Variants in SMG6 observed in about 807,000 individuals in gnomAD.
The protein encoded by SMG6 is SMG6 nonsense mediated mRNA decay factor.
A neutral mutation model predicts 142.2 loss-of-function variants in SMG6; 66 were observed. The ratio of observed to expected loss-of-function variants is 0.46; its 90% CI spans 0.38 to 0.57. The LOEUF (loss-of-function observed/expected upper bound fraction) is 0.57. Ranked by LOEUF, SMG6 falls within the 20% of genes least tolerant of loss-of-function variation. The pLI is 0.00. For synonymous variants in SMG6, 779 were observed against 702.4 expected (o/e 1.11, Z -1.72); for missense variants, 1,793 against 1,832.0 (o/e 0.98, Z 0.39).
At chr17:2,126,414 A>C (rs1309032300) in intron 13 of SMG6, among the ~76,000 whole-genome samples, 12 of 152,154 alleles carry the variant, frequency 7.9e-5, no homozygotes, top group Non-Finnish European at 2.9e-5. Flanking sequence ...TGACATCAAA[A>C]GCATAGGAAA....
intron 4 of SMG6, among the ~76,000 whole-genome samples, chr17:2,296,649 CTCCG>C (rs2075148627): frequency 6.6e-6 from 1 of 152,188 alleles, no homozygotes; most frequent in South Asian, 2.1e-4. Flanking sequence ...GCCCCAACAT[CTCCG>C]TCCATGGAAA....
At chr17:2,210,275 T>C (rs1053321992) in intron 10 of SMG6, among the ~76,000 whole-genome samples, 21 of 151,366 alleles carry the variant, frequency 1.4e-4, no homozygotes, top group Non-Finnish European at 2.5e-4. Context: ...TGAACCGTTT[T>C]CTTTTCTTTT....
Position 2,163,989 on chromosome 17 carries a change from A to G in SMG6, c.3357+8669T>C, listed in dbSNP as rs371203799. The stretch of plus-strand genomic sequence containing the variant: ...AGGCAGGAGAATCGCTTGAACCAAG[A>G]AGACGGAGGTTGCAGTGGGTCTAGA... On this transcript the variant is annotated intron_variant, in intron 13 of 18. Transcript: ENST00000263073. 2.2e-4 allele frequency among the ~76,000 whole-genome samples: 33 copies of G among 148,814 alleles called. 1 individual carries two copies. In the East Asian group the frequency reaches 3.0e-3, roughly 14 times the overall value.
chr17:2,097,151 T>G, intron 13 of SMG6, among the ~76,000 whole-genome samples: 1 of 151,426 alleles, frequency 6.6e-6, no homozygotes, highest in East Asian at 1.9e-4. Context: ...ATAATTTTTC[T>G]TTTCTTTTCT....
At chr17:2,290,336 A>G (rs1339576526) in intron 6 of SMG6, among the ~76,000 whole-genome samples, 1 of 152,208 alleles carries the variant, frequency 6.6e-6, no homozygotes, top group African/African-American at 2.4e-5. Flanking sequence ...GTCTTTGACA[A>G]AGGAGCAAAG....
At chr17:2,267,481 T>C (rs1331248798) in intron 8 of SMG6, among the ~76,000 whole-genome samples, 1 of 151,996 alleles carries the variant, frequency 6.6e-6, no homozygotes, top group Non-Finnish European at 1.5e-5. Flanking sequence ...TATACCGGCG[T>C]TGAGTCACTG....
intron 13 of SMG6, among the ~76,000 whole-genome samples, chr17:2,126,324 A>G (rs1329691420): frequency 6.6e-6 from 1 of 152,230 alleles, no homozygotes; most frequent in Non-Finnish European, 1.5e-5. Flanking sequence ...ACCTAAAAAG[A>G]GCTAAAACTA....
intron 18 of SMG6, 81 bp downstream of exon 18, chr17:2,064,992 G>A: frequency 9.0e-7 from 1 of 1,105,854 alleles, no homozygotes; most frequent in East Asian, 2.4e-5. Context: ...AGTCAGTGGA[G>A]CCCTTCTCAG....
intron 8 of SMG6, among the ~76,000 whole-genome samples, chr17:2,245,812 C>T (rs1034284316): frequency 2.0e-5 from 3 of 152,210 alleles, no homozygotes; most frequent in Admixed American, 2.0e-4. Flanking sequence ...TCCTGAGTAG[C>T]TGGGACTACA....
intron 8 of SMG6, among the ~76,000 whole-genome samples, chr17:2,256,636 A>G (rs1372682280): frequency 6.6e-6 from 1 of 152,186 alleles, no homozygotes; most frequent in Non-Finnish European, 1.5e-5. Context: ...TCAGCCACGC[A>G]TGGTGGCGCA....
intron 13 of SMG6, among the ~76,000 whole-genome samples, chr17:2,166,881 C>G (rs889519350): frequency 2.6e-5 from 4 of 152,040 alleles, no homozygotes; most frequent in African/African-American, 9.7e-5. Flanking sequence ...TCCTAGCACT[C>G]TGGGAGGCTG....
intron 10 of SMG6, among the ~76,000 whole-genome samples, chr17:2,201,892 C>A (rs1229151020): frequency 6.6e-6 from 1 of 151,832 alleles, no homozygotes; most frequent in East Asian, 1.9e-4. Flanking sequence ...GGCATGGTGG[C>A]AGGTGCCTGT....
At chr17:2,296,866 G>C (rs1345056074) in intron 4 of SMG6, among the ~76,000 whole-genome samples, 2 of 152,032 alleles carry the variant, frequency 1.3e-5, no homozygotes, top group Non-Finnish European at 2.9e-5. Flanking sequence ...TTGGTGGTGG[G>C]CACCTGTAAC....
chr17:2,066,691 ACAC>A (rs1187239416), intron 16 of SMG6, among the ~76,000 whole-genome samples: 5 of 150,212 alleles, frequency 3.3e-5, no homozygotes, highest in Non-Finnish European at 5.9e-5. Flanking sequence ...ACACACACAC[ACAC>A]AATGCCCATG....
At chr17:2,188,325 A>G in intron 11 of SMG6, 74 bp downstream of exon 11, 1 of 1,204,720 alleles carries the variant, frequency 8.3e-7, no homozygotes. Flanking sequence ...CCGAGAAAAC[A>G]GCATGGCACT....
chr17:2,293,452 TTACTC>T (rs534242669), intron 4 of SMG6, among the ~76,000 whole-genome samples: 104 of 129,286 alleles, frequency 8.0e-4, no homozygotes, highest in African/African-American at 2.5e-3. Context: ...AAACAATTGT[TTACTC>T]TATTCTTTTT....
chr17:2,171,681 T>A (rs1215380031), intron 13 of SMG6, among the ~76,000 whole-genome samples: 1 of 152,078 alleles, frequency 6.6e-6, no homozygotes, highest in Non-Finnish European at 1.5e-5. Flanking sequence ...GCCAAGACTT[T>A]ATATTCTACA....
rs865787365 is a variant in SMG6, at chr17:2,201,619, T to G, written c.2870-13104A>C. On this transcript the variant is annotated intron_variant, in intron 10 of 18. Coordinates refer to ENST00000263073, the MANE Select transcript of SMG6 (RefSeq NM_017575.5). ...GCTTGAACCTGGGAGGTGGAGGTTG[T>G]AGTGAGCCGAGACCACGCCACTGCA... Among the ~76,000 whole-genome samples the G allele has an allele frequency of 2.1e-4, 32 of 148,902 alleles. No individual in the cohort carries two copies. In the Middle Eastern group the frequency reaches 0.011, roughly 49 times the overall value.
intron 8 of SMG6, among the ~76,000 whole-genome samples, chr17:2,277,413 G>A (rs996149461): frequency 2.0e-5 from 3 of 151,840 alleles, no homozygotes; most frequent in African/African-American, 4.8e-5. Context: ...TGATCCGCCC[G>A]CGTTGGCCTC....
Sources: allele counts gnomAD v4.1 joint callset (sites outside exome capture counted in the v4.1 genomes callset), GRCh38; gene constraint gnomAD v4.1.1; transcripts MANE v1.5; gene names NCBI Gene and HGNC (gene_info 2026-07-23, HGNC 2026-07-21).